FARP1: variants seen among roughly 807,000 people sequenced by gnomAD.
FARP1 encodes the protein FERM, ARH/RhoGEF and pleckstrin domain protein 1.
Under a neutral mutation model 128.8 loss-of-function variants are expected in FARP1, and 52 were observed. The ratio of observed to expected loss-of-function variants is 0.40; its 90% CI spans 0.32 to 0.51. FARP1 has a LOEUF of 0.51. Among genes scored for constraint, FARP1 ranks in the 20% least tolerant of loss-of-function variants. The pLI is 0.45. For missense variants in FARP1, 1,333 were observed against 1,367.9 expected, an observed-to-expected ratio of 0.97 and a Z score of 0.40; for synonymous variants, 580 against 551.8, an observed-to-expected ratio of 1.05 and a Z score of -0.72.
chr13:98,323,340 A>G (rs1189888749), intron 2 of FARP1, among the ~76,000 whole-genome samples: 1 of 150,632 alleles, frequency 6.6e-6, no homozygotes, highest in Non-Finnish European at 1.5e-5. Context: ...ACTCGATTTT[A>G]TTTAAAATAT....
intron 16 of FARP1, among the ~76,000 whole-genome samples, chr13:98,414,481 A>G (rs1237715522): frequency 1.3e-5 from 2 of 152,172 alleles, no homozygotes; most frequent in Non-Finnish European, 2.9e-5. Context: ...CTGAGTGTGA[A>G]TGAGTTTAGT....
In FARP1 at chr13:98,213,110, T is replaced by C. The variant is rs1880831280; in HGVS notation, c.-23-110T>C. On this transcript the variant is annotated intron_variant, in intron 1 of 26. Coordinates refer to ENST00000319562, the MANE Select transcript of FARP1 (RefSeq NM_005766.4). ...CCGATGCCTCCCTATATGTGATTCC[T>C]GTGCAGGGGATGGAGCCCCCTGCCC... is the stretch of plus-strand genomic sequence containing the variant. The C allele has an allele frequency of 4.0e-6, 3 of 757,862 alleles. No individual in the cohort carries two copies. The South Asian group carries it at 5.9e-5, about 15-fold the overall frequency. 46.9% of individuals were successfully genotyped at this position (757,862 alleles called of 1,614,324 possible). A position where few individuals can be genotyped will look rare whatever the true frequency, so the allele number is the denominator to read the frequency against.
intron 1 of FARP1, among the ~76,000 whole-genome samples, chr13:98,153,359 AT>A (rs1372362882): frequency 1.4e-4 from 5 of 34,500 alleles, no homozygotes; most frequent in Non-Finnish European, 3.9e-4. Context: ...ATAAAAATAT[AT>A]AAAATATGTT....
At chr13:98,296,082 A>C (rs1453677727) in intron 2 of FARP1, among the ~76,000 whole-genome samples, 1 of 152,110 alleles carries the variant, frequency 6.6e-6, no homozygotes, top group Non-Finnish European at 1.5e-5. Flanking sequence ...ACTGCATCAG[A>C]GCTTTGGGGA....
At chr13:98,222,562 G>A (rs888473021) in intron 2 of FARP1, among the ~76,000 whole-genome samples, 13 of 152,072 alleles carry the variant, frequency 8.5e-5, no homozygotes, top group African/African-American at 2.2e-4. Flanking sequence ...ATAAAGAGCC[G>A]TTAGGATAAT....
chr13:98,363,000 G>A (rs1009535087), intron 3 of FARP1, among the ~76,000 whole-genome samples: 2 of 152,192 alleles, frequency 1.3e-5, no homozygotes, highest in African/African-American at 4.8e-5. Context: ...ATACCGTCCT[G>A]TCTTGCCTGG....
intron 2 of FARP1, among the ~76,000 whole-genome samples, chr13:98,302,547 T>G (rs1191814057): frequency 6.6e-6 from 1 of 152,168 alleles, no homozygotes; most frequent in East Asian, 1.9e-4. Flanking sequence ...AGCACCAACC[T>G]AGCCTGGGTG....
chr13:98,231,869 C>T (rs1249363378), intron 2 of FARP1, among the ~76,000 whole-genome samples: 1 of 151,870 alleles, frequency 6.6e-6, no homozygotes, highest in African/African-American at 2.4e-5. Context: ...CTCTTGTGGC[C>T]CAGGCTTGAG....
At chr13:98,336,374 A>G (rs1461570241) in intron 2 of FARP1, among the ~76,000 whole-genome samples, 5 of 152,008 alleles carry the variant, frequency 3.3e-5, no homozygotes, top group Non-Finnish European at 7.4e-5. Context: ...GGTTCAAGCA[A>G]TTCTCCTGCT....
intron 2 of FARP1, chr13:98,244,491 A>G (rs1882951621): frequency 6.2e-7 from 1 of 1,613,916 alleles, no homozygotes; most frequent in African/African-American, 1.3e-5. Context: ...CTCTTCCCAG[A>G]TGGTGTCCTC....
At chr13:98,430,620 C>A (rs1886091) in intron 17 of FARP1, among the ~76,000 whole-genome samples, 98,928 of 151,668 alleles carry the variant, frequency 0.65, 32,590 homozygotes, top group East Asian at 0.95. Context: ...GGAAGCAGAA[C>A]TGTGGTTTTA....
intron 24 of FARP1, 125 bp downstream of exon 24, chr13:98,440,961 C>T (rs1892499826): frequency 2.1e-6 from 2 of 946,280 alleles, no homozygotes; most frequent in African/African-American, 1.7e-5. Context: ...CCCGCGGTGG[C>T]TGAGCAGGGA....
At chr13:98,384,183 C>CT (rs58850627) in intron 6 of FARP1, 135 of 68,266 alleles carry the variant, frequency 2.0e-3, no homozygotes, top group African/African-American at 4.7e-3. Context: ...GATTCTGAGG[C>CT]TTTTTTTTTT....
intron 5 of FARP1, among the ~76,000 whole-genome samples, chr13:98,375,288 TA>T (rs1253347054): frequency 6.6e-6 from 1 of 152,254 alleles, no homozygotes; most frequent in African/African-American, 2.4e-5. Context: ...CACCCATTGA[TA>T]ATCCTGGCTG....
chr13:98,143,728 C>T (rs1413391917), intron 1 of FARP1, among the ~76,000 whole-genome samples: 2 of 151,726 alleles, frequency 1.3e-5, no homozygotes, highest in South Asian at 2.1e-4. Flanking sequence ...CGGGCTGCCC[C>T]CTGCGCCCCT....
intron 2 of FARP1, among the ~76,000 whole-genome samples, chr13:98,309,216 G>C (rs1169093464): frequency 1.0e-4 from 13 of 126,450 alleles, no homozygotes; most frequent in African/African-American, 3.9e-4. Flanking sequence ...GCCCAGGCGG[G>C]AGTGCAGTGG....
intron 2 of FARP1, among the ~76,000 whole-genome samples, chr13:98,316,220 C>G (rs1010282205): frequency 1.3e-5 from 2 of 152,178 alleles, no homozygotes. Flanking sequence ...CTCGAACCAG[C>G]TGTCCCCTAC....
In FARP1 at chr13:98,385,701, C is replaced by G; in HGVS notation, c.646C>G (p.Leu216Val). The change falls in exon 8 of 27, where the codon CTA (leucine) becomes GTA (valine). Residue 216 changes from leucine to valine, a missense_variant. Leu to Val is a conservative substitution (Grantham distance 32, BLOSUM62 1). This residue lies in a region of FARP1 where 324 missense variants were observed against 398.1 expected (regional missense o/e 0.81). Transcript: ENST00000319562. ...ACCAGCAGAATCAGATTTCCAGCTC[C>G]TAGAGATTGCCCGTCGGCTAGAGAT... ...QTPAESDFQL[L>V]EIARRLEMYG... The G allele has an allele frequency of 6.2e-7, 1 of 1,614,192 alleles. No individual in the cohort carries two copies. Among genetic ancestry groups the G allele is most frequent in the Non-Finnish European group, 8.5e-7 (1 of 1,180,048 alleles).
At chr13:98,226,773 T>A in intron 2 of FARP1, among the ~76,000 whole-genome samples, 1 of 152,150 alleles carries the variant, frequency 6.6e-6, no homozygotes, top group East Asian at 1.9e-4. Flanking sequence ...CCAGCTGTAT[T>A]AATCAAGTGA....
Sources: gnomAD v4.1 joint callset for allele counts (sites outside exome capture counted in the v4.1 genomes callset) on GRCh38, gnomAD v4.1.1 for gene constraint, gnomAD v4.1.1 regional missense constraint, MANE v1.5 for transcripts, NCBI Gene and HGNC (gene_info 2026-07-23, HGNC 2026-07-21) for gene names.